The following CRY2 variants were observed in gnomAD, a reference collection of about 807,000 sequenced individuals.
CRY2 encodes the protein cryptochrome circadian regulator 2.
CRY2 carries 31 observed loss-of-function variants against 69.5 expected under a neutral mutation model. That is an observed-to-expected ratio of 0.45 (90% CI 0.34 to 0.60). The LOEUF is 0.60. Ranked by LOEUF, CRY2 falls within the 20% of genes least tolerant of loss-of-function variation. CRY2 has a pLI of 0.02. For synonymous variants in CRY2, 303 were observed against 312.2 expected (o/e 0.97, Z 0.31); for missense variants, 606 against 797.8 (o/e 0.76, Z 2.90).
intron 1 of CRY2, among the ~76,000 whole-genome samples, chr11:45,852,910 A>G (rs1009212819): frequency 6.6e-6 from 1 of 152,210 alleles, no homozygotes; most frequent in African/African-American, 2.4e-5. Flanking sequence ...TTCACAGCCA[A>G]TGCTGCTGAT....
At chr11:45,876,237 A>G (rs1321503388) in intron 11 of CRY2, among the ~76,000 whole-genome samples, 3 of 151,858 alleles carry the variant, frequency 2.0e-5, no homozygotes, top group Non-Finnish European at 4.4e-5. Context: ...TCTGAGCTCT[A>G]TAGTTCTGGA....
chr11:45,867,837 G>A (rs1009448628), intron 6 of CRY2, 85 bp downstream of exon 6: 6 of 1,574,462 alleles, frequency 3.8e-6, no homozygotes, highest in Non-Finnish European at 4.3e-6. Flanking sequence ...AAAAGGCACT[G>A]GTGGGTGGGG....
At position 45,881,876 on chromosome 11, in the gene CRY2, A is replaced by C. The variant is rs1369144262; in HGVS notation, c.*965A>C. On this transcript the variant is annotated 3_prime_UTR_variant, in exon 12 of 12. Coordinates refer to ENST00000616080, the MANE Select transcript of CRY2 (RefSeq NM_021117.5). ...AGTGCTGCCAGTGAGGACAGCTGAC[A>C]CCCAGCCAGGGAAACCATTCTAGTC... The C allele has an allele frequency of 1.3e-5, 2 of 152,232 alleles. No individual in the cohort carries two copies. Among genetic ancestry groups the C allele is most frequent in the African/African-American group, 2.4e-5 (1 of 41,418 alleles). The allele number at this position is 152,232 out of a possible 1,614,324, so 9.4% of individuals were successfully genotyped here. A position where few individuals can be genotyped will look rare whatever the true frequency, so the allele number is the denominator to read the frequency against.
Position 45,882,595 on chromosome 11 carries a change from C to T in CRY2, c.*1684C>T. On this transcript the variant is annotated 3_prime_UTR_variant, in exon 12 of 12. Transcript: ENST00000616080. ...AGTCCAACTGTTGTACGTATGTCAC[C>T]TTCACTAGAAATGTCCCATCATCGT... 1 of 399,098 alleles carries T rather than the reference C, an allele frequency of 2.5e-6. No individual in the cohort carries two copies. Among genetic ancestry groups the T allele is most frequent in the Non-Finnish European group, 4.4e-6 (1 of 226,114 alleles). 24.7% of individuals were successfully genotyped at this position (399,098 alleles called of 1,614,324 possible). A position where few individuals can be genotyped will look rare whatever the true frequency, so the allele number is the denominator to read the frequency against.
chr11:45,859,864 G>C (rs1479577076), intron 3 of CRY2, among the ~76,000 whole-genome samples: 1 of 152,286 alleles, frequency 6.6e-6, no homozygotes, highest in African/African-American at 2.4e-5. Flanking sequence ...CTGCCAAGAA[G>C]CCAGGTCACA....
intron 1 of CRY2, among the ~76,000 whole-genome samples, chr11:45,854,554 G>A (rs1319712740): frequency 1.3e-5 from 2 of 152,102 alleles, no homozygotes; most frequent in Non-Finnish European, 2.9e-5. Context: ...ATTGGGTGTG[G>A]TGCACATACC....
At chr11:45,863,983 A>C (rs2134638971) in intron 5 of CRY2, among the ~76,000 whole-genome samples, 1 of 152,332 alleles carries the variant, frequency 6.6e-6, no homozygotes, top group Admixed American at 6.5e-5. Context: ...TTAAAAAGGA[A>C]TGGTGGAATT....
intron 1 of CRY2, among the ~76,000 whole-genome samples, chr11:45,848,397 T>C (rs2086169464): frequency 6.6e-6 from 1 of 152,220 alleles, no homozygotes; most frequent in African/African-American, 2.4e-5. Flanking sequence ...TCTGGAGCTT[T>C]GACCTCGATA....
intron 1 of CRY2, among the ~76,000 whole-genome samples, chr11:45,854,404 A>G (rs4756034): frequency 0.62 from 94,649 of 152,054 alleles, 33,484 homozygotes; most frequent in Non-Finnish European, 0.8. Flanking sequence ...GGGGCACAGA[A>G]CCCTCACGGT....
At chr11:45,868,925 G>C (rs2086352841) in intron 6 of CRY2, among the ~76,000 whole-genome samples, 1 of 152,166 alleles carries the variant, frequency 6.6e-6, no homozygotes, top group Non-Finnish European at 1.5e-5. Flanking sequence ...ACCACACCTG[G>C]CTGTATCTAG....
In CRY2 at chr11:45,860,889, A is replaced by G. The variant is rs1277418136; in HGVS notation, c.509A>G (p.Lys170Arg). ...LNGQKPPLTY[K>R]RFQAIISRME... Reference sequence around the variant, plus strand: ...GGGCAGAAGCCACCCCTTACATACAAGCGCTTTCAGGCCATCATCAGCCGC... The same window carrying G: ...GGGCAGAAGCCACCCCTTACATACAGGCGCTTTCAGGCCATCATCAGCCGC... Residue 170 changes from lysine (K) to arginine (R), a missense_variant, in exon 4 of 12, where the codon AAG becomes AGG. Lys to Arg is a conservative substitution (Grantham distance 26, BLOSUM62 2). Transcript: ENST00000616080. 6.2e-7 allele frequency: 1 copy of G among 1,613,974 alleles called. No homozygotes were observed. The highest frequency in any genetic ancestry group is 8.5e-7 in the Non-Finnish European group (1 of 1,180,020).
chr11:45,864,256 C>T (rs143977413), intron 5 of CRY2, among the ~76,000 whole-genome samples: 121 of 152,140 alleles, frequency 8.0e-4, no homozygotes, highest in African/African-American at 2.6e-3. Context: ...GATTCTTTCC[C>T]AGAACAATGG....
At chr11:45,847,202 C>A (rs1188774623), upstream of CRY2, 4 of 1,549,502 alleles carry the variant, frequency 2.6e-6, 1 homozygote, top group South Asian at 4.8e-5. Context: ...CGGCACTCCG[C>A]GGACAGCCCC....
intron 1 of CRY2, among the ~76,000 whole-genome samples, chr11:45,850,928 A>G (rs924764628): frequency 6.6e-6 from 1 of 152,216 alleles, no homozygotes; most frequent in Non-Finnish European, 1.5e-5. Context: ...AATGCAACCA[A>G]GAAATACACA....
chr11:45,858,728 C>A lies in CRY2; in HGVS notation c.325-3C>A. 1.2e-6 allele frequency: 2 copies of A among 1,612,428 alleles called. No individual in the cohort carries two copies. Among genetic ancestry groups the A allele is most frequent in the Non-Finnish European group, 1.7e-6 (2 of 1,179,100 alleles). On this transcript the variant is annotated splice_region_variant and splice_polypyrimidine_tract_variant and intron_variant, in intron 2 of 11. Coordinates refer to ENST00000616080, the MANE Select transcript of CRY2 (RefSeq NM_021117.5). ...TTGAGCATAACAGATCCTCTCCCCACAGGAATGGGGAGTGACCCGCTTGAC... is the reference window on the plus strand; with the variant it reads ...TTGAGCATAACAGATCCTCTCCCCAAAGGAATGGGGAGTGACCCGCTTGAC...
chr11:45,860,806 AG>A (rs747017692), intron 3 of CRY2, 41 bp from the exon 4 acceptor site: 5 of 1,595,354 alleles, frequency 3.1e-6, no homozygotes, highest in African/African-American at 1.3e-5. Context: ...CCCACATCAC[AG>A]GGCCATGTGG....
At chr11:45,858,520 C>G in intron 2 of CRY2, 1 of 555,494 alleles carries the variant, frequency 1.8e-6, no homozygotes, top group Non-Finnish European at 3.2e-6. Context: ...TGTTGCTGTG[C>G]TGTTGGCTTC....
chr11:45,861,162 C>T (rs1220784244), intron 4 of CRY2, 130 bp downstream of exon 4: 1 of 983,652 alleles, frequency 1.0e-6, no homozygotes, highest in Non-Finnish European at 1.5e-6. Flanking sequence ...AAATGGCAGT[C>T]ACTATTACTC....
intron 2 of CRY2, chr11:45,856,416 G>C (rs536241897): frequency 8.0e-6 from 2 of 250,218 alleles, no homozygotes; most frequent in South Asian, 1.3e-4. Context: ...ATTTATTAGG[G>C]TTCCTTCTAG....
Sources: allele counts gnomAD v4.1 joint callset (sites outside exome capture counted in the v4.1 genomes callset), GRCh38; gene constraint gnomAD v4.1.1; transcripts MANE v1.5; gene names NCBI Gene and HGNC (gene_info 2026-07-23, HGNC 2026-07-21).